RNF167: variants seen among roughly 807,000 people sequenced by gnomAD.
The protein encoded by RNF167 is ring finger protein 167, also known as E3 ubiquitin-protein ligase RNF167.
A neutral mutation model predicts 34.8 loss-of-function variants in RNF167; 19 were observed. That is an observed-to-expected ratio of 0.55 (90% CI 0.38 to 0.80). The LOEUF is 0.80. Ranked by LOEUF, RNF167 falls within the 30% of genes least tolerant of loss-of-function variation. RNF167 has a pLI of 0.00. For synonymous variants in RNF167, 200 were observed against 170.4 expected (o/e 1.17, Z -1.35); for missense variants, 464 against 447.0 (o/e 1.04, Z -0.34).
In RNF167 at chr17:4,943,230, C is replaced by T. The variant is rs1971014038; in HGVS notation, c.522C>T (p.Leu174=). 1.2e-6 allele frequency: 2 copies of T among 1,614,066 alleles called. No individual in the cohort carries two copies. Among genetic ancestry groups the T allele is most frequent in the Non-Finnish European group, 1.7e-6 (2 of 1,180,044 alleles). ...ATACCTTCCCCTTGGGCTATTACCT[C>T]ATCCCTTTCACAGGGATTGTGGGAC... The part of the protein sequence containing the change: ...PDNTFPLGYY[L]IPFTGIVGLL... Residue 174 remains leucine (L), a synonymous_variant, in exon 7 of 10, where the codon CTC becomes CTT. Transcript: ENST00000262482.
rs916878401 is a variant in RNF167 at position 4,940,509 on chromosome 17, G to A, written c.-401G>A. 6 of 180,904 alleles carry A rather than the reference G, an allele frequency of 3.3e-5. No individual in the cohort carries two copies. The highest frequency in any genetic ancestry group is 1.4e-4 in the African/African-American group (6 of 42,658). 11.2% of individuals were successfully genotyped at this position (180,904 alleles called of 1,614,324 possible). ...TAGGACCGGAAGTCCTTCATCTCAAGCATCCAATGCTGAAAGCGGCCTGAT... is the reference window on the plus strand; with the variant it reads ...TAGGACCGGAAGTCCTTCATCTCAAACATCCAATGCTGAAAGCGGCCTGAT... On this transcript the variant is annotated 5_prime_UTR_variant, in exon 2 of 10. Transcript: ENST00000262482.
At chr17:4,944,476 A>G (rs2151129532) in intron 8 of RNF167, 82 bp from the exon 9 acceptor site, 1 of 1,507,532 alleles carries the variant, frequency 6.6e-7, no homozygotes, top group African/African-American at 1.4e-5. Context: ...AGGTGAGGGG[A>G]AATTTTTGCA....
intron 6 of RNF167, 56 bp downstream of exon 6, chr17:4,942,997 T>C: frequency 6.5e-7 from 1 of 1,531,270 alleles, no homozygotes; most frequent in South Asian, 1.1e-5. Context: ...CATGCCAACC[T>C]GGAGCCCAGG....
In RNF167 at chr17:4,945,166, G is replaced by A; in HGVS notation, c.*150G>A. 2 of 636,260 alleles carry A rather than the reference G, an allele frequency of 3.1e-6. No individual in the cohort carries two copies. The highest frequency in any genetic ancestry group is 5.2e-6 in the Non-Finnish European group (2 of 388,232). 39.4% of individuals were successfully genotyped at this position (636,260 alleles called of 1,614,324 possible). On this transcript the variant is annotated 3_prime_UTR_variant, in exon 10 of 10. Transcript: ENST00000262482. ...GGGCTTTGGGGTGGAGCTGGGGCAA[G>A]CAGAGGGACTGGGTCTTCACTTCTT...
chr17:4,944,260 G>A (rs1321375603), intron 8 of RNF167: 1 of 337,674 alleles, frequency 3.0e-6, no homozygotes, highest in African/African-American at 2.2e-5. Flanking sequence ...AGGCCCTGGG[G>A]CCTCCAGTGC....
rs78865937 is a variant in RNF167 at position 4,944,441 on chromosome 17, G to A, written c.671-117G>A. Reference sequence around the variant, plus strand: ...TGCCCTGACCTTATCCTGCCTACCTGTCTTATCTCTTCCACTGGCTTTGTA... The same window carrying A: ...TGCCCTGACCTTATCCTGCCTACCTATCTTATCTCTTCCACTGGCTTTGTA... On this transcript the variant is annotated intron_variant, in intron 8 of 9. Coordinates refer to ENST00000262482, the MANE Select transcript of RNF167 (RefSeq NM_015528.3). 9.2e-4 allele frequency: 1,368 copies of A among 1,482,770 alleles called. 8 individuals carry two copies. In the African/African-American group the frequency reaches 0.017, roughly 19 times the overall value. The allele number at this position is 1,482,770 out of a possible 1,614,324, so 91.9% of individuals were successfully genotyped here. A position where few individuals can be genotyped will look rare whatever the true frequency, so the allele number is the denominator to read the frequency against.
In RNF167 at chr17:4,945,035, C is replaced by A; in HGVS notation, c.*19C>A. The A allele has an allele frequency of 6.6e-7, 1 of 1,513,162 alleles. No individual in the cohort carries two copies. The highest frequency in any genetic ancestry group is 8.9e-7 in the Non-Finnish European group (1 of 1,129,012). The allele number at this position is 1,513,162 out of a possible 1,614,324, so 93.7% of individuals were successfully genotyped here. ...GGTCTAATAACCCCCCACACATACA[C>A]CTCTGGTGACCTATTTGCACAGACC... On this transcript the variant is annotated 3_prime_UTR_variant, in exon 10 of 10. Coordinates refer to ENST00000262482, the MANE Select transcript of RNF167 (RefSeq NM_015528.3).
rs749733734 is a variant in RNF167 at position 4,945,025 on chromosome 17, C to G, written c.*9C>G. ...CTGTTATCCTGGTCTAATAACCCCC[C>G]ACACATACACCTCTGGTGACCTATT... On this transcript the variant is annotated 3_prime_UTR_variant, in exon 10 of 10. Coordinates refer to ENST00000262482, the MANE Select transcript of RNF167 (RefSeq NM_015528.3). 8 of 1,526,062 alleles carry G rather than the reference C, an allele frequency of 5.2e-6. No homozygotes were observed. Among genetic ancestry groups the G allele is most frequent in the Middle Eastern group, 1.8e-4 (1 of 5,638 alleles). 94.5% of individuals were successfully genotyped at this position (1,526,062 alleles called of 1,614,324 possible). A position where few individuals can be genotyped will look rare whatever the true frequency, so the allele number is the denominator to read the frequency against.
chr17:4,941,366 C>T (rs192479429), intron 3 of RNF167, among the ~76,000 whole-genome samples: 1 of 152,048 alleles, frequency 6.6e-6, no homozygotes, highest in South Asian at 2.1e-4. Flanking sequence ...GAGTGTCCAC[C>T]CCTGGAACTC....
At chr17:4,942,974 C>A (rs771312929) in intron 6 of RNF167, 33 bp downstream of exon 6, 29 of 1,599,466 alleles carry the variant, frequency 1.8e-5, no homozygotes, top group Non-Finnish European at 2.5e-5. Context: ...ATTCTTCCTT[C>A]AGCAAGCAGT....
In RNF167 at chr17:4,943,898, A is replaced by G. The variant is rs1408060917; in HGVS notation, c.670+379A>G. Among the ~76,000 whole-genome samples the G allele has an allele frequency of 2.6e-5, 4 of 152,280 alleles. No homozygotes were observed. In the East Asian group the frequency reaches 7.7e-4, roughly 29 times the overall value. The stretch of plus-strand genomic sequence containing the variant: ...TCCCAGCTAATTGGGAGACTGAGAC[A>G]GGAGAATCACTTGAACCAGGAAGGC... On this transcript the variant is annotated intron_variant, in intron 8 of 9. Coordinates refer to ENST00000262482, the MANE Select transcript of RNF167 (RefSeq NM_015528.3).
intron 3 of RNF167, among the ~76,000 whole-genome samples, chr17:4,941,556 G>A (rs1970806737): frequency 6.6e-6 from 1 of 152,170 alleles, no homozygotes; most frequent in South Asian, 2.1e-4. Context: ...TTATTGTGAA[G>A]ATCAAAGTAG....
At chr17:4,941,682 G>A (rs1315101240) in intron 3 of RNF167, among the ~76,000 whole-genome samples, 2 of 152,110 alleles carry the variant, frequency 1.3e-5, no homozygotes, top group Admixed American at 6.6e-5. Flanking sequence ...TGAAGAGGCC[G>A]GGCGCGGTGG....
Position 4,944,618 on chromosome 17 carries a change from G to A in RNF167, c.731G>A (p.Arg244Gln), listed in dbSNP as rs775675214. 9.3e-6 allele frequency: 15 copies of A among 1,613,040 alleles called. No homozygotes were observed. Among genetic ancestry groups the A allele is most frequent in the South Asian group, 4.4e-5 (4 of 90,986 alleles). Residue 244 changes from arginine (R) to glutamine (Q), a missense_variant, in exon 9 of 10, where the codon CGG becomes CAG. Coordinates refer to ENST00000262482, the MANE Select transcript of RNF167 (RefSeq NM_015528.3). ...GAATATGAGGATGGGGACAAGCTGC[G>A]GGTACTCCCCTGTGCTCATGGTGAG... Reference protein sequence around the residue: ...LDEYEDGDKLRVLPCAHAYHS... With the variant: ...LDEYEDGDKLQVLPCAHAYHS...
At chr17:4,941,758 A>T (rs926093404) in intron 3 of RNF167, among the ~76,000 whole-genome samples, 1 of 152,154 alleles carries the variant, frequency 6.6e-6, no homozygotes, top group African/African-American at 2.4e-5. Context: ...CTCTACTAAA[A>T]TGGCAAAAAT....
chr17:4,941,149 G>A lies in RNF167; in HGVS notation c.157G>A (p.Gly53Ser). 5.6e-6 allele frequency: 9 copies of A among 1,613,614 alleles called. No individual in the cohort carries two copies. The highest frequency in any genetic ancestry group is 7.6e-6 in the Non-Finnish European group (9 of 1,179,554). The change falls in exon 3 of 10, where the codon GGC becomes AGC. Residue 53 changes from glycine to serine, a missense_variant. Physicochemically the swap from Gly to Ser is moderately conservative, Grantham distance 56. Coordinates refer to ENST00000262482, the MANE Select transcript of RNF167 (RefSeq NM_015528.3). ...ALFGATLSQEGLQGFLVEAHP... is the reference protein window; with the variant it reads ...ALFGATLSQESLQGFLVEAHP... ...GTTTGGGGCTACCTTGAGCCAGGAG[G>A]GCCTCCAGGTGATTTTCTTTCTTTT...
chr17:4,944,965 T>C lies in RNF167; in HGVS notation c.1002T>C (p.Pro334=), dbSNP rs754502844. 1 of 1,596,616 alleles carries C rather than the reference T, an allele frequency of 6.3e-7. No homozygotes were observed. Among genetic ancestry groups the C allele is most frequent in the Non-Finnish European group, 8.5e-7 (1 of 1,171,394 alleles). The part of the protein sequence containing the change: ...LAPAPLVFPG[P]STDPPLSPPS... ...CAGCTCCCCTTGTTTTTCCTGGGCC[T>C]TCAACAGATCCCCCACTGTCCCCTC... Residue 334 remains proline, a synonymous_variant, in exon 10 of 10, where the codon CCT becomes CCC. Coordinates refer to ENST00000262482, the MANE Select transcript of RNF167 (RefSeq NM_015528.3).
chr17:4,943,928 G>GT (rs1206827790), intron 8 of RNF167, among the ~76,000 whole-genome samples: 1 of 152,186 alleles, frequency 6.6e-6, no homozygotes, highest in African/African-American at 2.4e-5. Context: ...GAAGGCGGAG[G>GT]TTGTCGGGGG....
intron 8 of RNF167, 29 bp downstream of exon 8, chr17:4,943,548 T>C (rs1351064923): frequency 1.9e-6 from 3 of 1,539,520 alleles, no homozygotes; most frequent in Non-Finnish European, 9.0e-7. Flanking sequence ...AAGAGGGCTT[T>C]TCCCACAGTT....
Sources: gnomAD v4.1 joint callset for allele counts (sites outside exome capture counted in the v4.1 genomes callset) on GRCh38, gnomAD v4.1.1 for gene constraint, MANE v1.5 for transcripts, NCBI Gene and HGNC (gene_info 2026-07-23, HGNC 2026-07-21) for gene names.